Variants in TYW1 observed in about 807,000 individuals in gnomAD.
TYW1 encodes tRNA-yW synthesizing protein 1 homolog.
TYW1 carries 46 observed loss-of-function variants against 96.2 expected under a neutral mutation model. The ratio of observed to expected loss-of-function variants is 0.48; its 90% CI spans 0.38 to 0.61. TYW1 has a LOEUF of 0.61. Among genes scored for constraint, TYW1 ranks in the 20% least tolerant of loss-of-function variants. The pLI is 0.00. For synonymous variants in TYW1, 274 were observed against 323.0 expected, an observed-to-expected ratio of 0.85 and a Z score of 1.63; for missense variants, 684 against 909.6, an observed-to-expected ratio of 0.75 and a Z score of 3.19.
At chr7:67,130,498 C>G (rs1317107707) in intron 13 of TYW1, among the ~76,000 whole-genome samples, 1 of 150,620 alleles carries the variant, frequency 6.6e-6, no homozygotes, top group Admixed American at 6.6e-5. Context: ...ATGGTGAAAC[C>G]CCGTCTCTAC....
chr7:67,014,327 G>A (rs760390976), intron 4 of TYW1, 40 bp from the exon 5 acceptor site: 4 of 1,548,594 alleles, frequency 2.6e-6, no homozygotes, highest in South Asian at 1.2e-5. Flanking sequence ...GATAATTTAT[G>A]CCTTGTATGT....
intron 15 of TYW1, among the ~76,000 whole-genome samples, chr7:67,232,404 G>A (rs1801775632): frequency 6.6e-6 from 1 of 151,944 alleles, no homozygotes; most frequent in Non-Finnish European, 1.5e-5. Flanking sequence ...GCTGGGTATG[G>A]TGGTGCACAC....
intron 10 of TYW1, among the ~76,000 whole-genome samples, chr7:67,082,309 T>G (rs11771640): frequency 0.24 from 37,108 of 151,980 alleles, 4,813 homozygotes; most frequent in African/African-American, 0.32. Flanking sequence ...TTTATAGTGT[T>G]GGTTGAGTGG....
At chr7:67,166,157 T>G (rs28855791) in intron 13 of TYW1, among the ~76,000 whole-genome samples, 40,328 of 147,950 alleles carry the variant, frequency 0.27, 6,030 homozygotes, top group African/African-American at 0.39. Context: ...TGAGGTAGGA[T>G]AATCTTTTGA....
intron 11 of TYW1, among the ~76,000 whole-genome samples, chr7:67,085,256 T>C (rs1419656505): frequency 1.3e-5 from 2 of 152,306 alleles, no homozygotes; most frequent in Middle Eastern, 6.8e-3. Flanking sequence ...TCATCTTGAA[T>C]TGTAATCTCC....
At chr7:66,999,595 C>G (rs1562959038) in intron 3 of TYW1, among the ~76,000 whole-genome samples, 1 of 152,198 alleles carries the variant, frequency 6.6e-6, no homozygotes, top group Non-Finnish European at 1.5e-5. Flanking sequence ...CTCAGGTGAT[C>G]CGCTTGCCTC....
chr7:67,162,700 T>C (rs964323266), intron 13 of TYW1, among the ~76,000 whole-genome samples: 1 of 152,220 alleles, frequency 6.6e-6, no homozygotes, highest in African/African-American at 2.4e-5. Context: ...ATTTTACTTT[T>C]GTCAATATCC....
At chr7:67,160,522 G>GTATACGTATACA (rs1799127598) in intron 13 of TYW1, among the ~76,000 whole-genome samples, 4 of 145,492 alleles carry the variant, frequency 2.7e-5, no homozygotes, top group Non-Finnish European at 6.0e-5. Context: ...TAAGGTATGT[G>GTATACGTATACA]TATACATATA....
At chr7:67,214,093 C>G (rs1801131077) in intron 15 of TYW1, among the ~76,000 whole-genome samples, 1 of 152,176 alleles carries the variant, frequency 6.6e-6, no homozygotes, top group Non-Finnish European at 1.5e-5. Flanking sequence ...TCTACAAACC[C>G]ATTTGGGAAA....
chr7:67,064,598 G>A (rs1019697501), intron 9 of TYW1, among the ~76,000 whole-genome samples: 1 of 152,196 alleles, frequency 6.6e-6, no homozygotes, highest in African/African-American at 2.4e-5. Context: ...AGAAAATGAA[G>A]AAGCAAAAGT....
At chr7:67,181,285 T>C (rs1037529381) in intron 13 of TYW1, among the ~76,000 whole-genome samples, 3 of 152,100 alleles carry the variant, frequency 2.0e-5, no homozygotes, top group Non-Finnish European at 4.4e-5. Context: ...TTTACATATA[T>C]AAGTATGAGT....
chr7:67,180,478 T>A (rs1799806231), intron 13 of TYW1, among the ~76,000 whole-genome samples: 1 of 148,656 alleles, frequency 6.7e-6, no homozygotes. Context: ...CTTTCAGGTT[T>A]CCAAGAAGCC....
intron 7 of TYW1, among the ~76,000 whole-genome samples, chr7:67,045,135 C>T (rs183024556): frequency 0.017 from 2,547 of 152,054 alleles, 35 homozygotes; most frequent in Admixed American, 0.045. Context: ...TTATCCTAGG[C>T]AAAATTGGGT....
At chr7:67,198,802 T>TA (rs1399366697) in intron 15 of TYW1, among the ~76,000 whole-genome samples, 1 of 152,196 alleles carries the variant, frequency 6.6e-6, no homozygotes, top group Non-Finnish European at 1.5e-5. Context: ...TAAGTCTCTG[T>TA]AGTCACCTTC....
In TYW1 at chr7:67,017,966, C is replaced by G; in HGVS notation, c.684C>G (p.Asp228Glu). 1 of 1,614,154 alleles carries G rather than the reference C, an allele frequency of 6.2e-7. No individual in the cohort carries two copies. The highest frequency in any genetic ancestry group is 8.5e-7 in the Non-Finnish European group (1 of 1,180,026). The change falls in exon 6 of 16, where the codon GAC (aspartate) becomes GAG (glutamate). Residue 228 changes from aspartate to glutamate, a missense_variant. Asp to Glu is a conservative substitution (Grantham distance 45). Transcript: ENST00000359626. ...VKSKHGSIEA[D>E]FRAWKTKFIS... ...GCAAGCACGGCAGCATTGAGGCCGA[C>G]TTCAGAGCATGGAAGACCAAGTTCA...
At chr7:67,166,267 G>A (rs991796155) in intron 13 of TYW1, among the ~76,000 whole-genome samples, 1 of 146,178 alleles carries the variant, frequency 6.8e-6, no homozygotes, top group Non-Finnish European at 1.5e-5. Context: ...AAAAACAAAC[G>A]AAAAGACTTT....
chr7:67,231,850 AT>A (rs34854479), intron 15 of TYW1, among the ~76,000 whole-genome samples: 38,295 of 146,054 alleles, frequency 0.26, 5,270 homozygotes, highest in African/African-American at 0.35. Context: ...CCTCTCTTCT[AT>A]TTTTTTTTTC....
At chr7:66,999,641 ACTGCAC>A (rs956683242) in intron 3 of TYW1, among the ~76,000 whole-genome samples, 1 of 152,220 alleles carries the variant, frequency 6.6e-6, no homozygotes, top group Non-Finnish European at 1.5e-5. Flanking sequence ...GGCGTGAGCC[ACTGCAC>A]CTGGCCTCAC....
intron 15 of TYW1, among the ~76,000 whole-genome samples, chr7:67,237,302 C>T (rs926586659): frequency 4.1e-5 from 6 of 144,732 alleles, no homozygotes; most frequent in Non-Finnish European, 9.2e-5. Context: ...AGATCGAGAC[C>T]ATCCTGGCTA....
Sources: gnomAD v4.1 joint callset for allele counts (sites outside exome capture counted in the v4.1 genomes callset) on GRCh38, gnomAD v4.1.1 for gene constraint, MANE v1.5 for transcripts, NCBI Gene and HGNC (gene_info 2026-07-23, HGNC 2026-07-21) for gene names.